The following PRH1 variants were observed in gnomAD, a reference collection of about 807,000 sequenced individuals.
PRH1 encodes proline rich protein HaeIII subfamily 1.
A neutral mutation model predicts 7.9 loss-of-function variants in PRH1; 7 were observed. The observed-to-expected ratio is 0.89, with a 90% CI of 0.50 to 1.67. The LOEUF is 1.67. Among genes scored for constraint, PRH1 ranks in the 40% most tolerant of loss-of-function variants. PRH1 has a pLI of 0.00. For missense variants in PRH1, 109 were observed against 223.6 expected (o/e 0.49, Z 3.27); for synonymous variants, 45 against 80.8 (o/e 0.56, Z 2.38).
intron 1 of PRH1, among the ~76,000 whole-genome samples, chr12:11,004,240 A>C (rs1413749296): frequency 6.6e-6 from 1 of 152,178 alleles, no homozygotes; most frequent in East Asian, 1.9e-4. Flanking sequence ...CACGCCTGTA[A>C]TCCCAGCACT....
chr12:11,014,415 T>A (rs957678207), intron 1 of PRH1, among the ~76,000 whole-genome samples: 1 of 152,120 alleles, frequency 6.6e-6, no homozygotes, highest in East Asian at 1.9e-4. Flanking sequence ...CTTGGGAACA[T>A]AGACTCTCTG....
intron 1 of PRH1, among the ~76,000 whole-genome samples, chr12:11,083,793 A>G (rs1194281651): frequency 5.9e-5 from 1 of 17,016 alleles, no homozygotes; most frequent in South Asian, 1.6e-3. Context: ...TTAAAAATAT[A>G]TTTTTGTAAA....
upstream of PRH1, among the ~76,000 whole-genome samples, chr12:11,050,239 G>T (rs1487137937): frequency 6.6e-6 from 1 of 152,138 alleles, no homozygotes; most frequent in Admixed American, 6.5e-5. Context: ...TTGACAGTAA[G>T]CCAGTGATAA....
chr12:11,076,696 A>G (rs1390251063), intron 1 of PRH1: 1 of 115,802 alleles, frequency 8.6e-6, no homozygotes, highest in East Asian at 2.1e-4. Flanking sequence ...ATTCTAGGCT[A>G]TGCACATACT....
At chr12:10,899,766 T>C (rs1288887123) in intron 2 of PRH1, among the ~76,000 whole-genome samples, 1 of 152,130 alleles carries the variant, frequency 6.6e-6, no homozygotes, top group Non-Finnish European at 1.5e-5. Context: ...TATTCCTTTA[T>C]ACCAACACAA....
At chr12:10,890,796 G>A (rs1480102724) in intron 2 of PRH1, among the ~76,000 whole-genome samples, 2 of 151,638 alleles carry the variant, frequency 1.3e-5, no homozygotes, top group Non-Finnish European at 2.9e-5. Context: ...AGGAAAAGAA[G>A]GGAAGGAAAG....
intron 1 of PRH1, among the ~76,000 whole-genome samples, chr12:11,062,738 T>C (rs1263025468): frequency 2.0e-5 from 3 of 152,114 alleles, no homozygotes; most frequent in Non-Finnish European, 2.9e-5. Context: ...AGAGATCATA[T>C]AGTAAATGTC....
At chr12:11,008,756 T>C (rs1162633447) in intron 1 of PRH1, among the ~76,000 whole-genome samples, 1 of 152,098 alleles carries the variant, frequency 6.6e-6, no homozygotes, top group African/African-American at 2.4e-5. Context: ...GAATTTACTA[T>C]AATTATCTAT....
At chr12:11,098,809 G>A (rs1025385998) in intron 1 of PRH1, among the ~76,000 whole-genome samples, 7 of 152,080 alleles carry the variant, frequency 4.6e-5, no homozygotes, top group African/African-American at 1.7e-4. Context: ...TTATTCACAA[G>A]CTCATAAATA....
intron 2 of PRH1, among the ~76,000 whole-genome samples, chr12:10,963,107 A>C (rs1404763447): frequency 6.7e-6 from 1 of 148,380 alleles, no homozygotes; most frequent in Non-Finnish European, 1.5e-5. Context: ...TTGTACCAGG[A>C]AAGATATATA....
chr12:11,151,983 T>C (rs891437185), intron 1 of PRH1, among the ~76,000 whole-genome samples: 2 of 152,014 alleles, frequency 1.3e-5, no homozygotes, highest in Admixed American at 6.5e-5. Flanking sequence ...TTTTATAATA[T>C]AGCAATAATA....
chr12:10,894,908 T>G (rs1200858180), intron 2 of PRH1: 2 of 152,200 alleles, frequency 1.3e-5, no homozygotes, highest in African/African-American at 2.4e-5. Context: ...TTCCTTTTTT[T>G]CTTTCTGAGA....
At chr12:10,938,714 C>T (rs954937958) in intron 2 of PRH1, 17 of 1,613,946 alleles carry the variant, frequency 1.1e-5, no homozygotes, top group Non-Finnish European at 1.4e-5. Flanking sequence ...ATCAGAACTG[C>T]AAGTCTTGTT....
At chr12:11,085,372 C>G (rs1411509846) in intron 1 of PRH1, among the ~76,000 whole-genome samples, 1 of 121,246 alleles carries the variant, frequency 8.2e-6, no homozygotes, top group Non-Finnish European at 2.0e-5. Flanking sequence ...ATGAAGGTGC[C>G]CATGGGAAAA....
chr12:11,160,149 T>C (rs959416709), intron 1 of PRH1, among the ~76,000 whole-genome samples: 2 of 152,232 alleles, frequency 1.3e-5, no homozygotes, highest in South Asian at 2.1e-4. Context: ...AAATTTTGAA[T>C]AGAAATTGTT....
chr12:11,157,831 G>C (rs563151916), intron 1 of PRH1, among the ~76,000 whole-genome samples: 1 of 152,158 alleles, frequency 6.6e-6, no homozygotes, highest in African/African-American at 2.4e-5. Flanking sequence ...TGGTGGTGGT[G>C]GTGATGATGA....
chr12:10,909,104 A>G, intron 2 of PRH1: 1 of 1,613,726 alleles, frequency 6.2e-7, no homozygotes, highest in Non-Finnish European at 8.5e-7. Context: ...CTAAAAACCA[A>G]CTTACTAATA....
chr12:10,980,602 C>T (rs1939306487), intron 1 of PRH1, among the ~76,000 whole-genome samples: 1 of 151,902 alleles, frequency 6.6e-6, no homozygotes, highest in South Asian at 2.1e-4. Context: ...AATAATCAGC[C>T]TTATTCCTCT....
In PRH1 at chr12:11,021,745, G is replaced by A. The variant is rs773053390; in HGVS notation, c.-126+25275C>T. ...CCTACTTCCCATAATCAGGATGAATGAGTGGAATGAAGGATACATGATTGC... is the reference window on the plus strand; with the variant it reads ...CCTACTTCCCATAATCAGGATGAATAAGTGGAATGAAGGATACATGATTGC... On this transcript the variant is annotated intron_variant, in intron 1 of 3. Coordinates refer to the PRH1 transcript ENST00000539853. 1.2e-5 allele frequency: 19 copies of A among 1,614,030 alleles called. 1 individual carries two copies. The South Asian group carries it at 1.9e-4, about 16-fold the overall frequency.
Sources: gnomAD v4.1 joint callset for allele counts (sites outside exome capture counted in the v4.1 genomes callset) on GRCh38, gnomAD v4.1.1 for gene constraint, MANE v1.5 for transcripts, NCBI Gene and HGNC (gene_info 2026-07-23, HGNC 2026-07-21) for gene names.